The following TWSG1 variants were observed in gnomAD, a reference collection of about 807,000 sequenced individuals.
The protein encoded by TWSG1 is twisted gastrulation protein homolog 1.
A neutral mutation model predicts 23.0 loss-of-function variants in TWSG1; 15 were observed. The observed-to-expected ratio is 0.65, with a 90% CI of 0.44 to 1.00. The LOEUF is 1.00. Among genes scored for constraint, TWSG1 ranks in the 50% least tolerant of loss-of-function variants. TWSG1 has a pLI of 0.00. For synonymous variants in TWSG1, 86 were observed against 92.8 expected, an observed-to-expected ratio of 0.93 and a Z score of 0.42; for missense variants, 242 against 278.7, an observed-to-expected ratio of 0.87 and a Z score of 0.94.
At chr18:9,389,083 T>C (rs904457775) in intron 3 of TWSG1, among the ~76,000 whole-genome samples, 22 of 151,778 alleles carry the variant, frequency 1.4e-4, no homozygotes, top group African/African-American at 4.4e-4. Context: ...TTCAAGCGAT[T>C]CTCCTGCCTC....
intron 3 of TWSG1, among the ~76,000 whole-genome samples, chr18:9,368,721 G>C (rs925950129): frequency 3.3e-5 from 5 of 152,180 alleles, no homozygotes; most frequent in African/African-American, 1.2e-4. Context: ...GCCAAGGAGG[G>C]CAGATCACCT....
At chr18:9,376,186 G>C (rs1166108111) in intron 3 of TWSG1, among the ~76,000 whole-genome samples, 1 of 152,078 alleles carries the variant, frequency 6.6e-6, no homozygotes, top group Non-Finnish European at 1.5e-5. Flanking sequence ...CAAAGTGCTG[G>C]GATTACAGGC....
intron 3 of TWSG1, among the ~76,000 whole-genome samples, chr18:9,382,262 G>A (rs1163351162): frequency 1.3e-5 from 2 of 151,962 alleles, no homozygotes; most frequent in Non-Finnish European, 2.9e-5. Context: ...GGTGGCTCAC[G>A]CCTGTAATCC....
intron 3 of TWSG1, among the ~76,000 whole-genome samples, chr18:9,371,385 C>T (rs112793464): frequency 0.012 from 1,852 of 151,802 alleles, 55 homozygotes; most frequent in African/African-American, 0.043. Context: ...CAACCTCTGC[C>T]TCCTGGGTTC....
intron 3 of TWSG1, among the ~76,000 whole-genome samples, chr18:9,376,884 A>G (rs2040632889): frequency 1.3e-5 from 2 of 151,984 alleles, no homozygotes; most frequent in South Asian, 2.1e-4. Context: ...TCTGTACTGA[A>G]CATGTACAGA....
At chr18:9,347,009 T>A (rs1478074622) in intron 2 of TWSG1, among the ~76,000 whole-genome samples, 1 of 152,246 alleles carries the variant, frequency 6.6e-6, no homozygotes, top group Non-Finnish European at 1.5e-5. Flanking sequence ...TTAAGTGTTT[T>A]GGATTTTCAC....
intron 4 of TWSG1, among the ~76,000 whole-genome samples, chr18:9,397,277 C>T (rs1218023519): frequency 6.6e-6 from 1 of 152,148 alleles, no homozygotes; most frequent in African/African-American, 2.4e-5. Flanking sequence ...CCCATGAAGT[C>T]AGATTTTTAT....
At position 9,345,559 on chromosome 18, in the gene TWSG1, A is replaced by G. The variant is rs78290384; in HGVS notation, c.123+8207A>G. ...TATATTGCCACCCTTGTTCAAAACC[A>G]TTTCACCATAAACGGTTTATTTATG... On this transcript the variant is annotated intron_variant, in intron 2 of 4. Transcript: ENST00000262120. Among the ~76,000 whole-genome samples the G allele has an allele frequency of 5.4e-3, 827 of 152,226 alleles. 8 individuals are homozygous for G. Among genetic ancestry groups the G allele is most frequent in the African/African-American group, 0.019 (795 of 41,530 alleles).
chr18:9,380,238 C>T (rs533736313), intron 3 of TWSG1, among the ~76,000 whole-genome samples: 1 of 152,092 alleles, frequency 6.6e-6, no homozygotes, highest in African/African-American at 2.4e-5. Context: ...TAACAACAAA[C>T]CTAAAGAGTG....
intron 2 of TWSG1, among the ~76,000 whole-genome samples, chr18:9,356,772 A>T (rs750206814): frequency 3.3e-5 from 5 of 152,150 alleles, no homozygotes; most frequent in Non-Finnish European, 5.9e-5. Flanking sequence ...CAGGATGCTC[A>T]ACTGGTATAA....
intron 2 of TWSG1, among the ~76,000 whole-genome samples, chr18:9,352,717 A>T (rs1328508652): frequency 6.6e-6 from 1 of 152,220 alleles, no homozygotes; most frequent in East Asian, 1.9e-4. Context: ...TGCAACAAGA[A>T]TGGAAATATT....
At chr18:9,362,753 A>T (rs575895518) in intron 3 of TWSG1, among the ~76,000 whole-genome samples, 40 of 152,286 alleles carry the variant, frequency 2.6e-4, no homozygotes, top group African/African-American at 9.6e-4. Flanking sequence ...ATAATTATAC[A>T]TGCTTATATC....
At chr18:9,373,408 C>T (rs1029433157) in intron 3 of TWSG1, among the ~76,000 whole-genome samples, 3 of 152,100 alleles carry the variant, frequency 2.0e-5, no homozygotes, top group African/African-American at 7.2e-5. Flanking sequence ...GTGGTGCATG[C>T]CTATAATCCC....
chr18:9,402,033 ATAG>A lies in TWSG1; in HGVS notation c.*2508_*2510del, dbSNP rs1201345339. On this transcript the variant is annotated 3_prime_UTR_variant, in exon 5 of 5. Coordinates refer to ENST00000262120, the MANE Select transcript of TWSG1 (RefSeq NM_020648.6). Reference sequence around the variant, plus strand: ...AATTATTACTAAAATTGTATTTACAATAGTGGTGCCAAATCAAATGGTAATTTA... The same window carrying A: ...AATTATTACTAAAATTGTATTTACAATGGTGCCAAATCAAATGGTAATTTA... The A allele has an allele frequency of 6.6e-6, 1 of 152,150 alleles. No homozygotes were observed. The highest frequency in any genetic ancestry group is 1.5e-5 in the Non-Finnish European group (1 of 68,010). The allele number at this position is 152,150 out of a possible 1,614,324, so 9.4% of individuals were successfully genotyped here.
intron 3 of TWSG1, among the ~76,000 whole-genome samples, chr18:9,360,436 G>T (rs1488326031): frequency 6.6e-6 from 1 of 152,030 alleles, no homozygotes; most frequent in Non-Finnish European, 1.5e-5. Context: ...AGTAAAAAAA[G>T]TCAGGTTCAA....
intron 3 of TWSG1, among the ~76,000 whole-genome samples, chr18:9,382,067 CAAT>C (rs2040658953): frequency 6.7e-6 from 1 of 148,194 alleles, no homozygotes; most frequent in Non-Finnish European, 1.5e-5. Context: ...AGGTATCTTT[CAAT>C]AATATTTTTA....
At chr18:9,349,607 T>C (rs1398481969) in intron 2 of TWSG1, among the ~76,000 whole-genome samples, 1 of 152,322 alleles carries the variant, frequency 6.6e-6, no homozygotes, top group African/African-American at 2.4e-5. Context: ...TAAAAATAAA[T>C]AGTTCAGGTA....
chr18:9,399,496 A>G lies in TWSG1; in HGVS notation c.641A>G (p.Lys214Arg). Residue 214 changes from lysine (K) to arginine (R), a missense_variant, in exon 5 of 5, where the codon AAA (lysine) becomes AGA (arginine). Lys to Arg is a conservative substitution (Grantham distance 26). Coordinates refer to ENST00000262120, the MANE Select transcript of TWSG1 (RefSeq NM_020648.6). ...CCAGAATGTATTGACTATGGTAGTA[A>G]AACTGTCAAATGTATGAACTGCATG... ...IGPECIDYGS[K>R]TVKCMNCMF 1 of 1,608,998 alleles carries G rather than the reference A, an allele frequency of 6.2e-7. No homozygotes were observed. Among genetic ancestry groups the G allele is most frequent in the Non-Finnish European group, 8.5e-7 (1 of 1,178,830 alleles).
Position 9,399,519 on chromosome 18 carries a change from A to G in TWSG1, c.664A>G (p.Met222Val), listed in dbSNP as rs1377878578. The G allele has an allele frequency of 6.2e-7, 1 of 1,602,302 alleles. No individual in the cohort carries two copies. Reference protein sequence around the residue: ...GSKTVKCMNCMF With the variant: ...GSKTVKCMNCVF ...TAAAACTGTCAAATGTATGAACTGC[A>G]TGTTTTAAAGAAGACAAATGCAAAC... The change falls in exon 5 of 5, where the codon ATG (methionine) becomes GTG (valine). Residue 222 changes from methionine to valine, a missense_variant. By Grantham distance (21) the Met-to-Val change is conservative. Transcript: ENST00000262120.
Sources: allele counts gnomAD v4.1 joint callset (sites outside exome capture counted in the v4.1 genomes callset), GRCh38; gene constraint gnomAD v4.1.1; transcripts MANE v1.5; gene names NCBI Gene and HGNC (gene_info 2026-07-23, HGNC 2026-07-21).